The following DNAH3 variants were observed in gnomAD, a reference collection of about 807,000 sequenced individuals.
The protein encoded by DNAH3 is axonemal beta dynein heavy chain 3.
A neutral mutation model predicts 432.5 loss-of-function variants in DNAH3; 332 were observed. The observed-to-expected ratio is 0.77, with a 90% confidence interval of 0.70 to 0.84. The LOEUF (loss-of-function observed/expected upper bound fraction) is 0.84. DNAH3 is among the 40% of genes least tolerant of loss of function. The pLI is 0.00. For missense variants in DNAH3, 4,861 were observed against 5,114.0 expected (o/e 0.95, Z 1.51); for synonymous variants, 1,956 against 1,900.2 (o/e 1.03, Z -0.76).
chr16:21,036,800 A>T, exon 35 of DNAH3: 1 of 1,612,826 alleles, frequency 6.2e-7, no homozygotes, highest in Non-Finnish European at 8.5e-7. Context: ...AAAACTTCAT[A>T]GTCTGGCTTT....
chr16:21,010,071 T>C (rs1023325903), intron 41 of DNAH3, among the ~76,000 whole-genome samples: 1 of 152,158 alleles, frequency 6.6e-6, no homozygotes, highest in Non-Finnish European at 1.5e-5. Context: ...AGGCCTGATT[T>C]TATGTCAAAC....
At chr16:21,146,874 C>T (rs565903466) in intron 1 of DNAH3, among the ~76,000 whole-genome samples, 2 of 151,910 alleles carry the variant, frequency 1.3e-5, no homozygotes, top group East Asian at 3.9e-4. Context: ...GATTCTCCTC[C>T]CTCAGCCTCC....
At chr16:20,965,249 A>G in exon 53 of DNAH3, 1 of 1,612,940 alleles carries the variant, frequency 6.2e-7, no homozygotes, top group Non-Finnish European at 8.5e-7. Flanking sequence ...TCGCAGGCCG[A>G]CGATACATTT....
chr16:21,005,214 C>A (rs969971448), intron 41 of DNAH3, among the ~76,000 whole-genome samples: 3 of 148,538 alleles, frequency 2.0e-5, no homozygotes, highest in African/African-American at 7.5e-5. Context: ...TCCCTCTCTC[C>A]TTCTGTATTT....
chr16:21,070,810 C>T (rs1158035311), exon 22 of DNAH3: 2 of 1,606,796 alleles, frequency 1.2e-6, no homozygotes, highest in African/African-American at 1.3e-5. Flanking sequence ...ATCAATTGCA[C>T]ACAAGATGTT....
Position 21,089,979 on chromosome 16 carries a change from T to C in DNAH3, c.2666-2919A>G, listed in dbSNP as rs367886515. On this transcript the variant is annotated intron_variant, in intron 18 of 61. Coordinates refer to ENST00000261383, the Ensembl canonical transcript of DNAH3. ...AGATGCAAATTACCAATATCAAAAA[T>C]AAAAGATGGGATATCACTACCAACC... 9.9e-5 allele frequency among the ~76,000 whole-genome samples: 15 copies of C among 151,776 alleles called. No homozygotes were observed. In the South Asian group the frequency reaches 2.7e-3, roughly 27 times the overall value.
Position 21,022,028 on chromosome 16 carries a change from G to A in DNAH3, c.5719C>T (p.Gln1907Ter). Reference sequence around the variant, plus strand: ...AAGGCAAGGTGGATGGGAGATGTCTGGACAACAAATTTACAATGAAGGCGA... The same window carrying A: ...AAGGCAAGGTGGATGGGAGATGTCTAGACAACAAATTTACAATGAAGGCGA... Residue 1907 changes from glutamine to a stop codon, truncating the protein, a stop_gained, in exon 40 of 62, where the codon CAG (glutamine) becomes TAG (stop). Coordinates refer to ENST00000261383, the Ensembl canonical transcript of DNAH3. LOFTEE classifies it high-confidence loss of function. The A allele has an allele frequency of 6.2e-7, 1 of 1,614,032 alleles. No homozygotes were observed. Among genetic ancestry groups the A allele is most frequent in the Non-Finnish European group, 8.5e-7 (1 of 1,179,998 alleles).
intron 50 of DNAH3, among the ~76,000 whole-genome samples, chr16:20,978,974 T>C (rs913335633): frequency 6.6e-6 from 1 of 152,016 alleles, no homozygotes; most frequent in East Asian, 1.9e-4. Flanking sequence ...CTTGAATGAT[T>C]CACTGCCTTA....
intron 18 of DNAH3, among the ~76,000 whole-genome samples, chr16:21,095,151 G>T (rs1178172664): frequency 6.6e-6 from 1 of 152,184 alleles, no homozygotes. Context: ...GAAAACAAAA[G>T]TTTGGCATTT....
chr16:20,936,101 G>T (rs1241364885), intron 60 of DNAH3, among the ~76,000 whole-genome samples: 1 of 151,948 alleles, frequency 6.6e-6, no homozygotes, highest in African/African-American at 2.4e-5. Context: ...TTACCAGGTA[G>T]CCAAACCAAA....
At chr16:21,110,544 G>A (rs1196589668) in intron 14 of DNAH3, among the ~76,000 whole-genome samples, 1 of 152,158 alleles carries the variant, frequency 6.6e-6, no homozygotes, top group Non-Finnish European at 1.5e-5. Context: ...CATCCTAATT[G>A]CAGCATTGAG....
At chr16:21,070,956 C>T in intron 21 of DNAH3, 130 bp from the exon 22 acceptor site, 1 of 601,238 alleles carries the variant, frequency 1.7e-6, no homozygotes, top group Admixed American at 2.4e-5. Flanking sequence ...TCAATCCTAG[C>T]TCACTGCAGC....
chr16:21,125,140 C>A, intron 9 of DNAH3, 35 bp downstream of exon 10: 2 of 1,527,234 alleles, frequency 1.3e-6, no homozygotes, highest in South Asian at 1.3e-5. Flanking sequence ...CAGGTTATTC[C>A]CCTCAAAAGG....
chr16:21,041,647 G>A (rs1050202569), intron 32 of DNAH3, among the ~76,000 whole-genome samples: 1 of 152,122 alleles, frequency 6.6e-6, no homozygotes, highest in Admixed American at 6.6e-5. Flanking sequence ...CCCCAGGTAG[G>A]TACCTCCAGA....
intron 51 of DNAH3, among the ~76,000 whole-genome samples, chr16:20,974,071 G>C (rs1040083736): frequency 6.6e-6 from 1 of 152,138 alleles, no homozygotes; most frequent in Non-Finnish European, 1.5e-5. Flanking sequence ...ACCCAGGCTG[G>C]AGTGCAGTGG....
intron 41 of DNAH3, 79 bp downstream of exon 41, chr16:21,019,545 T>A: frequency 6.5e-7 from 1 of 1,545,084 alleles, no homozygotes; most frequent in Non-Finnish European, 8.8e-7. Context: ...AGGGCTCACC[T>A]GTCTGCACAT....
intron 37 of DNAH3, among the ~76,000 whole-genome samples, chr16:21,030,814 C>T (rs1251877649): frequency 6.6e-6 from 1 of 152,144 alleles, no homozygotes; most frequent in Non-Finnish European, 1.5e-5. Context: ...AGCACTAAGG[C>T]TCACTATTCA....
chr16:20,968,980 TCA>T (rs1032578545), intron 52 of DNAH3, among the ~76,000 whole-genome samples: 68 of 152,114 alleles, frequency 4.5e-4, no homozygotes, highest in African/African-American at 1.6e-3. Context: ...TATTTGTCTC[TCA>T]GTCTCTATTT....
chr16:21,016,994 TA>T (rs1175555254), intron 41 of DNAH3, among the ~76,000 whole-genome samples: 1 of 151,780 alleles, frequency 6.6e-6, no homozygotes. Context: ...ATTTCCAGGG[TA>T]GGGGTGGAGA....
Sources: gnomAD v4.1 joint callset for allele counts (sites outside exome capture counted in the v4.1 genomes callset) on GRCh38, gnomAD v4.1.1 for gene constraint, MANE v1.5 for transcripts, NCBI Gene and HGNC (gene_info 2026-07-23, HGNC 2026-07-21) for gene names.